WNK2: variants seen among roughly 807,000 people sequenced by gnomAD.
WNK2 encodes WNK lysine deficient protein kinase 2.
WNK2 carries 67 observed loss-of-function variants against 192.1 expected under a neutral mutation model. The observed-to-expected ratio is 0.35, with a 90% CI of 0.29 to 0.43. WNK2 has a LOEUF of 0.43. Ranked by LOEUF, WNK2 falls within the 20% of genes least tolerant of loss-of-function variation. The pLI, the probability that WNK2 is intolerant of heterozygous loss-of-function variation, is 1.00. For missense variants in WNK2, 2,698 were observed against 3,089.7 expected, an observed-to-expected ratio of 0.87 and a Z score of 3.01; for synonymous variants, 1,439 against 1,393.9, an observed-to-expected ratio of 1.03 and a Z score of -0.72.
intron 2 of WNK2, among the ~76,000 whole-genome samples, chr9:93,207,825 T>G (rs1284828616): frequency 2.0e-5 from 3 of 152,142 alleles, no homozygotes; most frequent in African/African-American, 7.2e-5. Flanking sequence ...GCAAAGAATT[T>G]GGGAAATACA....
In WNK2 at chr9:93,252,110, A is replaced by G. The variant is rs1398387247; in HGVS notation, c.1835-773A>G. ...CATCTGGAAGCAGTAAGCCCAAAGT[A>G]CCATTTCAGACAGGTTTTCGTTTTC... On this transcript the variant is annotated intron_variant, in intron 8 of 29. Transcript: ENST00000427277. Among the ~76,000 whole-genome samples the G allele has an allele frequency of 2.0e-5, 3 of 152,202 alleles. No homozygotes were observed. The East Asian group carries it at 5.8e-4, about 29-fold the overall frequency.
chr9:93,274,308 C>T (rs573103043), intron 19 of WNK2, among the ~76,000 whole-genome samples: 110 of 152,136 alleles, frequency 7.2e-4, no homozygotes, highest in African/African-American at 2.6e-3. Context: ...GTCAGGAGAT[C>T]GAGACCATCC....
In WNK2 at chr9:93,252,982, C is replaced by T. The variant is rs779380022; in HGVS notation, c.1934C>T (p.Pro645Leu). Residue 645 changes from proline (P) to leucine (L), a missense_variant, in exon 9 of 30, where the codon CCG (proline) becomes CTG (leucine). Pro to Leu is a moderately conservative substitution (Grantham distance 98). Around this residue, in one of 7 missense-constraint regions of WNK2, gnomAD observed 893 missense variants for 909.0 expected, o/e 0.98. Transcript: ENST00000427277. ...CTTGGCTCCCTTGCCGACGCAGCGC[C>T]GTCCCCGGCCCAGTGTGTGTGCAGC... ...VMLGSLADAAPSPAQCVCSPP... is the reference protein window; with the variant it reads ...VMLGSLADAALSPAQCVCSPP... 1.0e-4 allele frequency: 160 copies of T among 1,566,972 alleles called. No individual in the cohort carries two copies. The highest frequency in any genetic ancestry group is 1.3e-4 in the Non-Finnish European group (148 of 1,157,394).
At chr9:93,274,560 CA>C (rs1310670737) in intron 19 of WNK2, among the ~76,000 whole-genome samples, 7 of 148,664 alleles carry the variant, frequency 4.7e-5, no homozygotes, top group African/African-American at 1.8e-4. Flanking sequence ...CATAAAAGAC[CA>C]ATATCAGGAA....
rs900081656 is a variant in WNK2, at chr9:93,259,779, C to T, written c.3066+165C>T. 6.6e-6 allele frequency among the ~76,000 whole-genome samples: 1 copy of T among 152,138 alleles called. No individual in the cohort carries two copies. Among genetic ancestry groups the T allele is most frequent in the Non-Finnish European group, 1.5e-5 (1 of 68,014 alleles). On this transcript the variant is annotated intron_variant, in intron 12 of 29. Transcript: ENST00000427277. This position sits in a 1 kb window ranked among gnomAD's most constrained non-coding sequence, Gnocchi z 4.8. ...TGAGGGAGGCGGGGGCTGGCGCCAG[C>T]GCGAGGCATCTGCATCTCTTCCGTT...
intron 29 of WNK2, chr9:93,319,351 G>A (rs1339265129): frequency 2.3e-5 from 32 of 1,384,366 alleles, no homozygotes; most frequent in African/African-American, 2.9e-5. Flanking sequence ...GGGGCTGCGG[G>A]TGCTGGGCTG....
chr9:93,315,282 G>C (rs1164162063), intron 28 of WNK2, among the ~76,000 whole-genome samples: 1 of 152,208 alleles, frequency 6.6e-6, no homozygotes, highest in Non-Finnish European at 1.5e-5. Flanking sequence ...TCATTTTTCT[G>C]TCAGAATTGT....
intron 2 of WNK2, among the ~76,000 whole-genome samples, chr9:93,214,384 A>G (rs562990705): frequency 6.6e-6 from 1 of 151,656 alleles, no homozygotes; most frequent in South Asian, 2.1e-4. Flanking sequence ...GCTCACAGCA[A>G]CCTCTGCCTC....
chr9:93,196,357 A>G (rs1184976077), intron 2 of WNK2, among the ~76,000 whole-genome samples: 1 of 152,108 alleles, frequency 6.6e-6, no homozygotes, highest in Non-Finnish European at 1.5e-5. Context: ...TCCTACTCAG[A>G]ATCTGGAATC....
At chr9:93,190,787 C>T (rs1180248515) in intron 2 of WNK2, among the ~76,000 whole-genome samples, 2 of 152,214 alleles carry the variant, frequency 1.3e-5, no homozygotes, top group Non-Finnish European at 2.9e-5. Flanking sequence ...AATGTCCACA[C>T]GTGCCCTGGC....
In WNK2 at chr9:93,290,063, T is replaced by C; in HGVS notation, c.4936+16T>C. The C allele has an allele frequency of 6.4e-7, 1 of 1,556,270 alleles. No individual in the cohort carries two copies. Among genetic ancestry groups the C allele is most frequent in the African/African-American group, 1.4e-5 (1 of 73,564 alleles). On this transcript the variant is annotated intron_variant, in intron 21 of 29. Coordinates refer to ENST00000427277, the MANE Select transcript of WNK2 (RefSeq NM_006648.4). ...TCAATGACAGGTAACAGCTTCCTGCTGAACCCTGCGTTCACAAGGTGCTGC... is the reference window on the plus strand; with the variant it reads ...TCAATGACAGGTAACAGCTTCCTGCCGAACCCTGCGTTCACAAGGTGCTGC...
intron 19 of WNK2, among the ~76,000 whole-genome samples, chr9:93,277,158 A>T (rs72743435): frequency 0.042 from 6,379 of 152,296 alleles, 192 homozygotes; most frequent in East Asian, 0.15. Context: ...GGGAAATGCA[A>T]ATTAAAGCAG....
chr9:93,259,699 CA>C lies in WNK2; in HGVS notation c.3066+87del. 1.5e-6 allele frequency: 2 copies of C among 1,309,638 alleles called. No homozygotes were observed. Among genetic ancestry groups the C allele is most frequent in the South Asian group, 1.5e-5 (1 of 65,098 alleles). The allele number at this position is 1,309,638 out of a possible 1,614,324, so 81.1% of individuals were successfully genotyped here. On this transcript the variant is annotated intron_variant, in intron 12 of 29. Transcript: ENST00000427277. The surrounding 1 kb of genome is among the most constrained non-coding windows in gnomAD (Gnocchi z 4.8). ...AGATGCAAAGGAGGACAGAGGCAGG[CA>C]AGGAGGCAGCCCTGCCTGGGGTCGC...
intron 2 of WNK2, among the ~76,000 whole-genome samples, chr9:93,206,024 G>T (rs75802940): frequency 6.6e-6 from 1 of 152,148 alleles, no homozygotes; most frequent in Admixed American, 6.5e-5. Context: ...CCTAGACCCC[G>T]TGCGGAGCCT....
At chr9:93,212,586 C>T (rs79719801) in intron 2 of WNK2, among the ~76,000 whole-genome samples, 3,054 of 152,258 alleles carry the variant, frequency 0.02, 105 homozygotes, top group African/African-American at 0.07. Context: ...GTCAGGCTGC[C>T]GAGGTTCAAG....
At chr9:93,307,946 T>C (rs1286646602) in intron 27 of WNK2, 4 of 244,300 alleles carry the variant, frequency 1.6e-5, no homozygotes, top group Non-Finnish European at 3.2e-5. Flanking sequence ...GGAACCTGAC[T>C]CTAGGCACCA....
At chr9:93,261,696 G>A (rs1436670333) in intron 12 of WNK2, 118 bp from the exon 13 acceptor site, 3 of 1,194,458 alleles carry the variant, frequency 2.5e-6, no homozygotes, top group Non-Finnish European at 3.5e-6. Context: ...TGGGGAGGGT[G>A]TGGTCTGGAG....
chr9:93,205,819 TTGC>T lies in WNK2; in HGVS notation c.681+20215_681+20217del, dbSNP rs148814767. On this transcript the variant is annotated intron_variant, in intron 2 of 29. Transcript: ENST00000427277. ...TTGAGTGCAGGGTCCTCCGAATGTC[TTGC>T]TGCTGGGGACACTGGCTCTGTGTGA... Among the ~76,000 whole-genome samples the T allele has an allele frequency of 7.2e-3, 1,093 of 152,312 alleles. 19 individuals carry two copies. The highest frequency in any genetic ancestry group is 0.051 in the East Asian group (263 of 5,168).
Position 93,289,183 on chromosome 9 carries a change from C to T in WNK2, c.4429C>T (p.Pro1477Ser), listed in dbSNP as rs1201534677. ...DASAPREPLP[P>S]PAPEPSPHSG... ...CAGTGCCCCAAGGGAGCCCCTGCCA[C>T]CTCCTGCACCTGAGCCCAGCCCCCA... The change falls in exon 20 of 30, where the codon CCT becomes TCT. Residue 1477 changes from proline (P) to serine (S), a missense_variant. Pro to Ser is a moderately conservative substitution (Grantham distance 74, BLOSUM62 -1). Coordinates refer to ENST00000427277, the MANE Select transcript of WNK2 (RefSeq NM_006648.4). 1.2e-6 allele frequency: 2 copies of T among 1,600,834 alleles called. No homozygotes were observed. The highest frequency in any genetic ancestry group is 1.7e-6 in the Non-Finnish European group (2 of 1,175,636).
Sources: gnomAD v4.1 joint callset for allele counts (sites outside exome capture counted in the v4.1 genomes callset) on GRCh38, gnomAD v4.1.1 for gene constraint, gnomAD v4.1.1 regional missense constraint, Gnocchi (gnomAD v3.1) non-coding constraint, MANE v1.5 for transcripts, NCBI Gene and HGNC (gene_info 2026-07-23, HGNC 2026-07-21) for gene names.